DTNA: variants seen among roughly 807,000 people sequenced by gnomAD.
The protein encoded by DTNA is dystrophin-related protein 3.
Under a neutral mutation model 100.7 loss-of-function variants are expected in DTNA, and 43 were observed. That is an observed-to-expected ratio of 0.43 (90% CI 0.33 to 0.55). DTNA has a LOEUF of 0.55. Among genes scored for constraint, DTNA ranks in the 20% least tolerant of loss-of-function variants. The pLI is 0.04. For synonymous variants in DTNA, 349 were observed against 347.9 expected, an observed-to-expected ratio of 1.00 and a Z score of -0.04; for missense variants, 798 against 953.9, an observed-to-expected ratio of 0.84 and a Z score of 2.15.
chr18:34,569,221 G>A (rs2047353264), intron 1 of DTNA, among the ~76,000 whole-genome samples: 1 of 152,126 alleles, frequency 6.6e-6, no homozygotes, highest in African/African-American at 2.4e-5. Flanking sequence ...GAGAAGGCTT[G>A]AGTGAATCGT....
In DTNA at chr18:34,838,089, A is replaced by G. The variant is rs375543802; in HGVS notation, c.1176-5A>G. On this transcript the variant is annotated splice_polypyrimidine_tract_variant and splice_region_variant and intron_variant, in intron 11 of 22. Transcript: ENST00000444659. ...TCTTCTTGGCTTTCCCATCTTATTA[A>G]CTAGCTCTCCTCCCAAGGACAGTGA... 6.2e-7 allele frequency: 1 copy of G among 1,613,738 alleles called. No individual in the cohort carries two copies. The highest frequency in any genetic ancestry group is 1.7e-5 in the Admixed American group (1 of 59,988).
At chr18:34,523,049 GC>G (rs2042292908) in intron 1 of DTNA, among the ~76,000 whole-genome samples, 1 of 152,138 alleles carries the variant, frequency 6.6e-6, no homozygotes, top group South Asian at 2.1e-4. Flanking sequence ...ACTTTAGAAA[GC>G]TTATGAAGTA....
chr18:34,671,038 G>T (rs951339187), intron 1 of DTNA, among the ~76,000 whole-genome samples: 2 of 152,212 alleles, frequency 1.3e-5, no homozygotes, highest in Non-Finnish European at 2.9e-5. Context: ...TACAGAGGCA[G>T]GCAGGCCTCC....
intron 1 of DTNA, among the ~76,000 whole-genome samples, chr18:34,641,798 T>C (rs2059308138): frequency 6.6e-6 from 1 of 152,118 alleles, no homozygotes; most frequent in Non-Finnish European, 1.5e-5. Context: ...CAGCTTGGAG[T>C]TGAGTGGTGG....
At chr18:34,773,449 A>G (rs2093886664) in intron 3 of DTNA, among the ~76,000 whole-genome samples, 1 of 152,224 alleles carries the variant, frequency 6.6e-6, no homozygotes, top group African/African-American at 2.4e-5. Flanking sequence ...CTCCCTAGTC[A>G]AGGAGCCAGC....
At chr18:34,569,116 G>T (rs751643576) in intron 1 of DTNA, among the ~76,000 whole-genome samples, 23 of 152,260 alleles carry the variant, frequency 1.5e-4, no homozygotes, top group Admixed American at 7.2e-4. Context: ...GGCCTGGCTG[G>T]ATCTGAGCTC....
intron 17 of DTNA, among the ~76,000 whole-genome samples, chr18:34,874,349 G>A (rs1359265375): frequency 6.6e-6 from 1 of 152,240 alleles, no homozygotes; most frequent in African/African-American, 2.4e-5. Context: ...ATTTTCTTAC[G>A]CATGTGGCTG....
chr18:34,889,222 G>C lies in DTNA; in HGVS notation c.*1488G>C. The C allele has an allele frequency of 1.0e-6, 1 of 985,384 alleles. No individual in the cohort carries two copies. Among genetic ancestry groups the C allele is most frequent in the Non-Finnish European group, 1.2e-6 (1 of 829,912 alleles). The allele number at this position is 985,384 out of a possible 1,614,324, so 61.0% of individuals were successfully genotyped here. A position where few individuals can be genotyped will look rare whatever the true frequency, so the allele number is the denominator to read the frequency against. Reference sequence around the variant, plus strand: ...TGTCTCTCCTTTAAAAGAAAGGAGAGAACATTTTAGAACAATAGTTCTCAA... The same window carrying C: ...TGTCTCTCCTTTAAAAGAAAGGAGACAACATTTTAGAACAATAGTTCTCAA... On this transcript the variant is annotated 3_prime_UTR_variant, in exon 23 of 23. Coordinates refer to ENST00000444659, the MANE Select transcript of DTNA (RefSeq NM_001386795.1).
chr18:34,711,850 A>C (rs1261981145), intron 1 of DTNA, among the ~76,000 whole-genome samples: 1 of 152,156 alleles, frequency 6.6e-6, no homozygotes, highest in African/African-American at 2.4e-5. Context: ...TTCCATGATG[A>C]CAGATATCAA....
intron 1 of DTNA, among the ~76,000 whole-genome samples, chr18:34,581,940 A>C (rs1408685569): frequency 6.6e-6 from 1 of 152,120 alleles, no homozygotes; most frequent in East Asian, 1.9e-4. Flanking sequence ...ATTATTTTGT[A>C]GGATCTGAGG....
chr18:34,621,771 A>G (rs1454888660), intron 1 of DTNA, among the ~76,000 whole-genome samples: 2 of 152,208 alleles, frequency 1.3e-5, no homozygotes, highest in Admixed American at 1.3e-4. Flanking sequence ...TATAGTTAAA[A>G]ACAATGTATT....
chr18:34,667,804 T>A (rs1479576025), intron 1 of DTNA, among the ~76,000 whole-genome samples: 1 of 152,226 alleles, frequency 6.6e-6, no homozygotes, highest in East Asian at 1.9e-4. Context: ...AGCTTTTTGA[T>A]GTGCTGCTGG....
At chr18:34,495,935 T>G (rs1314339063) in intron 1 of DTNA, among the ~76,000 whole-genome samples, 1 of 151,916 alleles carries the variant, frequency 6.6e-6, no homozygotes, top group African/African-American at 2.4e-5. Context: ...ATTGGGCAGA[T>G]GTCTCTTAAT....
intron 16 of DTNA, among the ~76,000 whole-genome samples, chr18:34,860,022 T>C (rs545812912): frequency 1.3e-5 from 2 of 151,350 alleles, no homozygotes; most frequent in East Asian, 3.9e-4. Context: ...TGGGAAGTAT[T>C]ACATTCTTTT....
chr18:34,552,081 C>G (rs1476011894), intron 1 of DTNA, among the ~76,000 whole-genome samples: 1 of 152,024 alleles, frequency 6.6e-6, no homozygotes, highest in African/African-American at 2.4e-5. Flanking sequence ...TTTATAATGT[C>G]CTTCCCAAGC....
intron 3 of DTNA, among the ~76,000 whole-genome samples, chr18:34,769,443 T>A (rs575910877): frequency 2.6e-5 from 4 of 152,172 alleles, no homozygotes; most frequent in Admixed American, 2.6e-4. Flanking sequence ...TGATACCTTA[T>A]AATGGAGTTT....
chr18:34,687,479 A>C (rs199715673), intron 1 of DTNA, among the ~76,000 whole-genome samples: 1 of 152,114 alleles, frequency 6.6e-6, no homozygotes, highest in Non-Finnish European at 1.5e-5. Flanking sequence ...CCTGAGTTCT[A>C]ATTTGATTGC....
chr18:34,692,180 A>T (rs1343177207), intron 1 of DTNA, among the ~76,000 whole-genome samples: 1 of 152,162 alleles, frequency 6.6e-6, no homozygotes, highest in African/African-American at 2.4e-5. Context: ...ATATTTTGAG[A>T]TAAATTTGAG....
chr18:34,821,800 G>A (rs2095728153), intron 9 of DTNA, among the ~76,000 whole-genome samples: 1 of 152,198 alleles, frequency 6.6e-6, no homozygotes, highest in African/African-American at 2.4e-5. Flanking sequence ...AGAGGTGGGT[G>A]ACGGGACCTA....
Sources: allele counts gnomAD v4.1 joint callset (sites outside exome capture counted in the v4.1 genomes callset), GRCh38; gene constraint gnomAD v4.1.1; transcripts MANE v1.5; gene names NCBI Gene and HGNC (gene_info 2026-07-23, HGNC 2026-07-21).